Variants in FGF12 observed in about 807,000 individuals in gnomAD.
FGF12 encodes fibroblast growth factor 12B.
FGF12 carries 14 observed loss-of-function variants against 23.6 expected under a neutral mutation model. The ratio of observed to expected loss-of-function variants is 0.59; its 90% CI spans 0.39 to 0.93. The LOEUF (loss-of-function observed/expected upper bound fraction) is 0.93, where lower values mean the gene tolerates loss of function less well. Ranked by LOEUF, FGF12 falls within the 40% of genes least tolerant of loss-of-function variation. The pLI is 0.00. For missense variants in FGF12, 175 were observed against 217.8 expected, an observed-to-expected ratio of 0.80 and a Z score of 1.24; for synonymous variants, 62 against 77.3, an observed-to-expected ratio of 0.80 and a Z score of 1.04.
At chr3:192,571,602 G>A (rs539059125) in intron 2 of FGF12, among the ~76,000 whole-genome samples, 3 of 152,256 alleles carry the variant, frequency 2.0e-5, no homozygotes, top group African/African-American at 7.2e-5. Flanking sequence ...TAGGGTTCTC[G>A]GGCCTTCTTA....
chr3:192,503,605 T>G (rs1440408167), intron 2 of FGF12, among the ~76,000 whole-genome samples: 25 of 7,314 alleles, frequency 3.4e-3, no homozygotes, highest in Admixed American at 6.8e-3. Flanking sequence ...GTGTGTGTGT[T>G]TTTTTTTTTT....
chr3:192,592,217 G>A (rs944885041), intron 2 of FGF12, among the ~76,000 whole-genome samples: 1 of 151,886 alleles, frequency 6.6e-6, no homozygotes, highest in Non-Finnish European at 1.5e-5. Flanking sequence ...TGTTGATGAA[G>A]ATTGCACACA....
chr3:192,344,161 G>T (rs866545390), intron 3 of FGF12, among the ~76,000 whole-genome samples: 20 of 152,228 alleles, frequency 1.3e-4, no homozygotes, highest in Middle Eastern at 6.8e-3. Flanking sequence ...TCACTGGATT[G>T]TTATGAAGAT....
intron 4 of FGF12, among the ~76,000 whole-genome samples, chr3:192,240,203 C>T (rs1214101622): frequency 1.3e-5 from 2 of 152,168 alleles, no homozygotes; most frequent in African/African-American, 4.8e-5. Flanking sequence ...TGTTATTCAA[C>T]ACCACACGAT....
At chr3:192,660,009 G>A (rs536257837) in intron 2 of FGF12, among the ~76,000 whole-genome samples, 3 of 151,426 alleles carry the variant, frequency 2.0e-5, no homozygotes, top group East Asian at 3.9e-4. Context: ...TCCATTACTG[G>A]GTATATACCC....
chr3:192,656,312 CACACACACAGAG>C (rs770869837), intron 2 of FGF12, among the ~76,000 whole-genome samples: 1,575 of 93,250 alleles, frequency 0.017, 12 homozygotes, highest in Middle Eastern at 0.024. Context: ...CACACACACA[CACACACACAGAG>C]AGAGAATTAT....
chr3:192,572,096 G>A (rs1056738298), intron 2 of FGF12, among the ~76,000 whole-genome samples: 6 of 152,224 alleles, frequency 3.9e-5, no homozygotes, highest in Middle Eastern at 3.4e-3. Context: ...GACCCATCAC[G>A]AACCTTCTCA....
At chr3:192,292,260 G>A (rs1242387492) in intron 4 of FGF12, among the ~76,000 whole-genome samples, 3 of 151,960 alleles carry the variant, frequency 2.0e-5, no homozygotes, top group Non-Finnish European at 4.4e-5. Flanking sequence ...TGTGTTTGTG[G>A]CATTTTATTG....
intron 2 of FGF12, among the ~76,000 whole-genome samples, chr3:192,668,274 G>A (rs758253344): frequency 2.6e-5 from 4 of 152,036 alleles, no homozygotes; most frequent in Non-Finnish European, 5.9e-5. Context: ...TTTCTTCATC[G>A]TGGAACCAGA....
chr3:192,545,515 C>T (rs1191869825), intron 2 of FGF12, among the ~76,000 whole-genome samples: 5 of 152,330 alleles, frequency 3.3e-5, no homozygotes, highest in African/African-American at 1.2e-4. Context: ...TGTTTACCTT[C>T]TAGCAAAGCT....
chr3:192,418,785 A>C (rs151176148), intron 2 of FGF12, among the ~76,000 whole-genome samples: 9 of 152,248 alleles, frequency 5.9e-5, no homozygotes, highest in African/African-American at 2.2e-4. Context: ...GCCTTACACC[A>C]TGATCTTAAG....
intron 2 of FGF12, among the ~76,000 whole-genome samples, chr3:192,470,062 G>A (rs550644971): frequency 1.3e-5 from 2 of 152,282 alleles, no homozygotes; most frequent in Admixed American, 6.5e-5. Context: ...TGTGTGATGC[G>A]CTGGAGAGTG....
At chr3:192,425,874 A>G (rs1426798496) in intron 2 of FGF12, among the ~76,000 whole-genome samples, 1 of 152,238 alleles carries the variant, frequency 6.6e-6, no homozygotes, top group Non-Finnish European at 1.5e-5. Context: ...TTAAAATTAA[A>G]TAGTATTAAA....
At chr3:192,188,692 A>G (rs1716622779) in intron 4 of FGF12, among the ~76,000 whole-genome samples, 1 of 152,192 alleles carries the variant, frequency 6.6e-6, no homozygotes, top group Admixed American at 6.5e-5. Flanking sequence ...TGCCTGTGCC[A>G]TTTATTAGTT....
intron 4 of FGF12, among the ~76,000 whole-genome samples, chr3:192,264,781 A>T (rs941049132): frequency 6.6e-6 from 1 of 152,092 alleles, no homozygotes; most frequent in Non-Finnish European, 1.5e-5. Context: ...TTCTCAACCA[A>T]CAAGAGTGGA....
At chr3:192,321,242 T>C (rs1257084560) in intron 4 of FGF12, among the ~76,000 whole-genome samples, 1 of 151,994 alleles carries the variant, frequency 6.6e-6, no homozygotes, top group Non-Finnish European at 1.5e-5. Flanking sequence ...CAGCATACCA[T>C]GATTGAACCC....
At chr3:192,416,869 A>G (rs561509403) in intron 2 of FGF12, among the ~76,000 whole-genome samples, 1 of 152,290 alleles carries the variant, frequency 6.6e-6, no homozygotes, top group East Asian at 1.9e-4. Context: ...ACAGATAGAT[A>G]TAGATAGGTA....
rs73064590 is a variant in FGF12 at position 192,287,688 on chromosome 3, C to T, written c.228+47673G>A. ...AATGAAAAGGGTATTCATCTAGATT[C>T]CAAGTTCAACAACTATTTATTTAAT... is the stretch of plus-strand genomic sequence containing the variant. On this transcript the variant is annotated intron_variant, in intron 4 of 5. Transcript: ENST00000445105. 4.1e-3 allele frequency among the ~76,000 whole-genome samples: 620 copies of T among 152,070 alleles called. 6 individuals are homozygous for T. The highest frequency in any genetic ancestry group is 0.014 in the African/African-American group (583 of 41,504).
At chr3:192,307,137 A>C (rs1715688424) in intron 4 of FGF12, among the ~76,000 whole-genome samples, 2 of 152,212 alleles carry the variant, frequency 1.3e-5, no homozygotes, top group African/African-American at 2.4e-5. Flanking sequence ...GCATCATTTC[A>C]TGTGATGGAA....
Sources: gnomAD v4.1 joint callset for allele counts (sites outside exome capture counted in the v4.1 genomes callset) on GRCh38, gnomAD v4.1.1 for gene constraint, MANE v1.5 for transcripts, NCBI Gene and HGNC (gene_info 2026-07-23, HGNC 2026-07-21) for gene names.